Variants in C1QA observed in about 807,000 individuals in gnomAD.
C1QA encodes the protein complement C1q subcomponent subunit A.
A neutral mutation model predicts 6.9 loss-of-function variants in C1QA; 3 were observed. That is an observed-to-expected ratio of 0.44 (90% CI 0.20 to 1.12). The LOEUF (loss-of-function observed/expected upper bound fraction) is 1.12, where lower values mean the gene tolerates loss of function less well. C1QA is among the 50% of genes most tolerant of loss of function. The pLI is 0.27. For missense variants in C1QA, 273 were observed against 326.6 expected (o/e 0.84, Z 1.26); for synonymous variants, 128 against 134.1 (o/e 0.95, Z 0.31).
At position 22,638,894 on chromosome 1, in the gene C1QA, C is replaced by T. The variant is rs751668628; in HGVS notation, c.225C>T (p.Pro75=). 6.3e-7 allele frequency: 1 copy of T among 1,597,042 alleles called. No individual in the cohort carries two copies. The highest frequency in any genetic ancestry group is 1.7e-5 in the Admixed American group (1 of 57,222). ...GLKGDQGEPG[P]SGNPGKVGYP... Reference sequence around the variant, plus strand: ...AAGGAGACCAGGGGGAACCTGGGCCCTCTGGAAACCCCGGCAAGGTGGGCT... The same window carrying T: ...AAGGAGACCAGGGGGAACCTGGGCCTTCTGGAAACCCCGGCAAGGTGGGCT... The change falls in exon 3 of 3, where the codon CCC becomes CCT. Residue 75 remains proline (P), a synonymous_variant. Transcript: ENST00000374642.
At chr1:22,636,623 G>T (rs1255955049), upstream of C1QA, 1 of 152,544 alleles carries the variant, frequency 6.6e-6, no homozygotes, top group Non-Finnish European at 1.5e-5. Context: ...CCACAGCCTG[G>T]AGCCACTCCT....
Position 22,637,772 on chromosome 1 carries a change from G to A in C1QA, c.156G>A (p.Gly52=). The part of the protein sequence containing the change: ...RGRPGLKGEQ[G]EPGAPGIRTG... ...GGCCAGGCCTCAAGGGGGAGCAAGGGGAGCCGGGTAAGCACCCTTCCTCGG... is the reference window on the plus strand; with the variant it reads ...GGCCAGGCCTCAAGGGGGAGCAAGGAGAGCCGGGTAAGCACCCTTCCTCGG... Residue 52 remains glycine (G), a synonymous_variant, in exon 2 of 3, where the codon GGG becomes GGA. Transcript: ENST00000374642. This position sits in a 1 kb window ranked among gnomAD's most constrained non-coding sequence, Gnocchi z 4.4. 1.3e-6 allele frequency: 2 copies of A among 1,582,564 alleles called. No individual in the cohort carries two copies. The highest frequency in any genetic ancestry group is 1.3e-5 in the African/African-American group (1 of 74,672).
rs1456966750 is a variant in C1QA, at chr1:22,639,628, T to C, written c.*221T>C. ...GCTGAACATGAGCTTCAGTTGCTAC[T>C]CGGAGCATTGAGAGGGAGGCCTAAG... On this transcript the variant is annotated 3_prime_UTR_variant, in exon 3 of 3. Transcript: ENST00000374642. This position sits in a 1 kb window ranked among gnomAD's most constrained non-coding sequence, Gnocchi z 4.6. The C allele has an allele frequency of 1.7e-6, 1 of 601,442 alleles. No individual in the cohort carries two copies. Among genetic ancestry groups the C allele is most frequent in the Non-Finnish European group, 2.9e-6 (1 of 340,002 alleles). 37.3% of individuals were successfully genotyped at this position (601,442 alleles called of 1,614,324 possible). A position where few individuals can be genotyped will look rare whatever the true frequency, so the allele number is the denominator to read the frequency against.
Position 22,637,447 on chromosome 1 carries a change from TG to T in C1QA, c.-7-159del. On this transcript the variant is annotated intron_variant, in intron 1 of 2. Coordinates refer to ENST00000374642, the MANE Select transcript of C1QA (RefSeq NM_015991.4). The surrounding 1 kb of genome is among the most constrained non-coding windows in gnomAD (Gnocchi z 4.4). Reference sequence around the variant, plus strand: ...GAGTTTGTGGTTCTGTGTATATGCGTGGGGTCCTGGGGCTGGATTGAGAGTG... The same window carrying T: ...GAGTTTGTGGTTCTGTGTATATGCGTGGGTCCTGGGGCTGGATTGAGAGTG... 1.3e-6 allele frequency: 1 copy of T among 795,572 alleles called. No homozygotes were observed. The highest frequency in any genetic ancestry group is 2.1e-6 in the Non-Finnish European group (1 of 485,174). The allele number at this position is 795,572 out of a possible 1,614,324, so 49.3% of individuals were successfully genotyped here.
Position 22,637,112 on chromosome 1 carries a change from C to T in C1QA, c.-8+410C>T, listed in dbSNP as rs931825256. Among the ~76,000 whole-genome samples the T allele has an allele frequency of 1.3e-5, 2 of 152,156 alleles. No individual in the cohort carries two copies. The highest frequency in any genetic ancestry group is 2.9e-5 in the Non-Finnish European group (2 of 68,034). Reference sequence around the variant, plus strand: ...AGCATGCAGAAGAGTGAGCAGGTGTCGCTTTGGGCGTTTGTGAATTCCTGT... The same window carrying T: ...AGCATGCAGAAGAGTGAGCAGGTGTTGCTTTGGGCGTTTGTGAATTCCTGT... On this transcript the variant is annotated intron_variant, in intron 1 of 2. Transcript: ENST00000374642. The surrounding 1 kb of genome is among the most constrained non-coding windows in gnomAD (Gnocchi z 4.4).
rs752735594 is a variant in C1QA at position 22,639,008 on chromosome 1, G to A, written c.339G>A (p.Pro113=). The A allele has an allele frequency of 4.3e-6, 7 of 1,613,572 alleles. No homozygotes were observed. The Admixed American group carries it at 5.0e-5, about 12-fold the overall frequency. The change falls in exon 3 of 3, where the codon CCG becomes CCA. Residue 113 remains proline (P), a synonymous_variant. Transcript: ENST00000374642. The surrounding 1 kb of genome is among the most constrained non-coding windows in gnomAD (Gnocchi z 4.6). ...KGSPGNIKDQ[P]RPAFSAIRRN... is the part of the protein sequence containing the mutation. ...GCCCAGGAAACATCAAGGACCAGCC[G>A]AGGCCAGCCTTCTCCGCCATTCGGC... is the stretch of plus-strand genomic sequence containing the variant.
intron 1 of C1QA, 42 bp downstream of exon 1, chr1:22,636,744 G>A (rs1411839914): frequency 1.3e-5 from 2 of 152,522 alleles, no homozygotes; most frequent in African/African-American, 4.8e-5. Flanking sequence ...CAGAGTTCTG[G>A]GACCCAGGGG....
Position 22,639,025 on chromosome 1 carries a change from C to T in C1QA, c.356C>T (p.Ala119Val). The change falls in exon 3 of 3, where the codon GCC (alanine) becomes GTC (valine). Residue 119 changes from alanine (A) to valine (V), a missense_variant. By Grantham distance (64) the Ala-to-Val change is moderately conservative. Transcript: ENST00000374642. This position sits in a 1 kb window ranked among gnomAD's most constrained non-coding sequence, Gnocchi z 4.6. ...GACCAGCCGAGGCCAGCCTTCTCCG[C>T]CATTCGGCGGAACCCCCCAATGGGG... is the stretch of plus-strand genomic sequence containing the variant. ...IKDQPRPAFS[A>V]IRRNPPMGGN... 3 of 1,614,056 alleles carry T rather than the reference C, an allele frequency of 1.9e-6. No individual in the cohort carries two copies. Among genetic ancestry groups the T allele is most frequent in the East Asian group, 4.5e-5 (2 of 44,874 alleles).
In C1QA at chr1:22,639,296, G is replaced by A. The variant is rs1053860171; in HGVS notation, c.627G>A (p.Leu209=). 1.9e-6 allele frequency: 3 copies of A among 1,613,960 alleles called. No homozygotes were observed. In the African/African-American group the frequency reaches 4.0e-5, roughly 22 times the overall value. The change falls in exon 3 of 3, where the codon CTG becomes CTA. Residue 209 remains leucine (L), a synonymous_variant. Transcript: ENST00000374642. The surrounding 1 kb of genome is among the most constrained non-coding windows in gnomAD (Gnocchi z 4.6). ...QVVSGGMVLQ[L]QQGDQVWVEK... Reference sequence around the variant, plus strand: ...TGTCAGGGGGCATGGTGCTTCAGCTGCAGCAGGGTGACCAGGTCTGGGTTG... The same window carrying A: ...TGTCAGGGGGCATGGTGCTTCAGCTACAGCAGGGTGACCAGGTCTGGGTTG...
chr1:22,639,544 T>C lies in C1QA; in HGVS notation c.*137T>C, dbSNP rs761269725. ...CCAGGACTGGCTGCCCCGTGACACA[T>C]GCTCTAAGAAGCTCGTTTCTTAGAC... is the stretch of plus-strand genomic sequence containing the variant. On this transcript the variant is annotated 3_prime_UTR_variant, in exon 3 of 3. Coordinates refer to ENST00000374642, the MANE Select transcript of C1QA (RefSeq NM_015991.4). This position sits in a 1 kb window ranked among gnomAD's most constrained non-coding sequence, Gnocchi z 4.6. The C allele has an allele frequency of 4.3e-6, 4 of 926,526 alleles. No homozygotes were observed. The South Asian group carries it at 4.7e-5, about 11-fold the overall frequency. The allele number at this position is 926,526 out of a possible 1,614,324, so 57.4% of individuals were successfully genotyped here.
rs1249954899 is a variant in C1QA at position 22,639,327 on chromosome 1, G to A, written c.658G>A (p.Asp220Asn). 1.2e-6 allele frequency: 2 copies of A among 1,613,922 alleles called. No individual in the cohort carries two copies. The highest frequency in any genetic ancestry group is 3.3e-5 in the Admixed American group (2 of 59,964). Reference sequence around the variant, plus strand: ...GGGTGACCAGGTCTGGGTTGAAAAAGACCCCAAAAAGGGTCACATTTACCA... The same window carrying A: ...GGGTGACCAGGTCTGGGTTGAAAAAAACCCCAAAAAGGGTCACATTTACCA... The part of the protein sequence containing the change: ...QQGDQVWVEK[D>N]PKKGHIYQGS... Residue 220 changes from aspartate to asparagine, a missense_variant, in exon 3 of 3, where the codon GAC becomes AAC. Physicochemically the swap from Asp to Asn is conservative, Grantham distance 23. Transcript: ENST00000374642. The surrounding 1 kb of genome is among the most constrained non-coding windows in gnomAD (Gnocchi z 4.6).
At position 22,638,878 on chromosome 1, in the gene C1QA, A is replaced by C. The variant is rs1429225019; in HGVS notation, c.209A>C (p.Gln70Pro). ...GGCATCCAAGGCCTTAAAGGAGACC[A>C]GGGGGAACCTGGGCCCTCTGGAAAC... ...RTGIQGLKGD[Q>P]GEPGPSGNPG... Residue 70 changes from glutamine to proline, a missense_variant, in exon 3 of 3, where the codon CAG becomes CCG. Coordinates refer to ENST00000374642, the MANE Select transcript of C1QA (RefSeq NM_015991.4). 6.3e-7 allele frequency: 1 copy of C among 1,595,846 alleles called. No homozygotes were observed. The highest frequency in any genetic ancestry group is 1.1e-5 in the South Asian group (1 of 87,954).
In C1QA at chr1:22,637,522, A is replaced by G; in HGVS notation, c.-7-88A>G. 4 of 1,495,256 alleles carry G rather than the reference A, an allele frequency of 2.7e-6. No individual in the cohort carries two copies. Among genetic ancestry groups the G allele is most frequent in the South Asian group, 1.2e-5 (1 of 84,136 alleles). The allele number at this position is 1,495,256 out of a possible 1,614,324, so 92.6% of individuals were successfully genotyped here. ...CATGTGCACTTGGGGAGGACTGTGC[A>G]TATATCATTGTGTGCATGGGACTCA... On this transcript the variant is annotated intron_variant, in intron 1 of 2. Transcript: ENST00000374642. This position sits in a 1 kb window ranked among gnomAD's most constrained non-coding sequence, Gnocchi z 4.4.
rs1290670139 is a variant in C1QA, at chr1:22,637,081, G to A, written c.-8+379G>A. 6.6e-6 allele frequency among the ~76,000 whole-genome samples: 1 copy of A among 152,218 alleles called. No individual in the cohort carries two copies. The highest frequency in any genetic ancestry group is 1.5e-5 in the Non-Finnish European group (1 of 68,036). On this transcript the variant is annotated intron_variant, in intron 1 of 2. Transcript: ENST00000374642. This position sits in a 1 kb window ranked among gnomAD's most constrained non-coding sequence, Gnocchi z 4.4. Reference sequence around the variant, plus strand: ...CCCATGCTCAGGTGGATGCTGAAAGGCGCTGAGCATGCAGAAGAGTGAGCA... The same window carrying A: ...CCCATGCTCAGGTGGATGCTGAAAGACGCTGAGCATGCAGAAGAGTGAGCA...
chr1:22,638,795 T>C, intron 2 of C1QA, 38 bp from the exon 3 acceptor site: 1 of 1,554,136 alleles, frequency 6.4e-7, no homozygotes. Context: ...CCAGTAGGCA[T>C]TGGACTCTCA....
rs75137403 is a variant in C1QA at position 22,637,874 on chromosome 1, G to A, written c.163+95G>A. ...GGGTGGCACTGAGAATCAGGAGTCCGTCTGCCCCCAGTGCCCCATGAATCC... is the reference window on the plus strand; with the variant it reads ...GGGTGGCACTGAGAATCAGGAGTCCATCTGCCCCCAGTGCCCCATGAATCC... On this transcript the variant is annotated intron_variant, in intron 2 of 2. Transcript: ENST00000374642. The surrounding 1 kb of genome is among the most constrained non-coding windows in gnomAD (Gnocchi z 4.4). The A allele has an allele frequency of 1.8e-3, 2,496 of 1,414,374 alleles. 4 individuals carry two copies. The highest frequency in any genetic ancestry group is 2.2e-3 in the Non-Finnish European group (2,356 of 1,058,654). 87.6% of individuals were successfully genotyped at this position (1,414,374 alleles called of 1,614,324 possible).
At chr1:22,638,458 A>T (rs998075624) in intron 2 of C1QA, among the ~76,000 whole-genome samples, 24 of 152,196 alleles carry the variant, frequency 1.6e-4, no homozygotes, top group Non-Finnish European at 2.2e-4. Flanking sequence ...TCACATAGAC[A>T]TTTGCAGTAA....
chr1:22,636,632 C>CTGCTGGGCAGCCCACAGGGT lies in C1QA; in HGVS notation c.-77_-58dup, dbSNP rs1478634303. On this transcript the variant is annotated 5_prime_UTR_variant, in exon 1 of 3. Coordinates refer to ENST00000374642, the MANE Select transcript of C1QA (RefSeq NM_015991.4). ...ACTTGGCCACAGCCTGGAGCCACTC[C>CTGCTGGGCAGCCCACAGGGT]TGCTGGGCAGCCCACAGGGTCCCTG... 6.6e-6 allele frequency: 1 copy of CTGCTGGGCAGCCCACAGGGT among 152,478 alleles called. No individual in the cohort carries two copies. Among genetic ancestry groups the CTGCTGGGCAGCCCACAGGGT allele is most frequent in the Non-Finnish European group, 1.5e-5 (1 of 68,250 alleles). 9.4% of individuals were successfully genotyped at this position (152,478 alleles called of 1,614,324 possible).
chr1:22,637,811 G>A lies in C1QA; in HGVS notation c.163+32G>A, dbSNP rs1396307400. 4 of 1,540,990 alleles carry A rather than the reference G, an allele frequency of 2.6e-6. No homozygotes were observed. In the East Asian group the frequency reaches 9.7e-5, roughly 37 times the overall value. On this transcript the variant is annotated intron_variant, in intron 2 of 2. Transcript: ENST00000374642. The surrounding 1 kb of genome is among the most constrained non-coding windows in gnomAD (Gnocchi z 4.4). Reference sequence around the variant, plus strand: ...ACCCTTCCTCGGGACCCAGCCCCTTGGACCTTGGCCTGACTTGGCCTCCAG... The same window carrying A: ...ACCCTTCCTCGGGACCCAGCCCCTTAGACCTTGGCCTGACTTGGCCTCCAG...
Sources: allele counts gnomAD v4.1 joint callset (sites outside exome capture counted in the v4.1 genomes callset), GRCh38; gene constraint gnomAD v4.1.1; non-coding constraint Gnocchi (gnomAD v3.1); transcripts MANE v1.5; gene names NCBI Gene and HGNC (gene_info 2026-07-23, HGNC 2026-07-21).